OPRM1: variants seen among roughly 807,000 people sequenced by gnomAD.
OPRM1 encodes the protein opioid receptor mu 1, also known as mu-type opioid receptor.
In OPRM1, 27 loss-of-function variants were observed where a neutral mutation model predicts 31.8. That is an observed-to-expected ratio of 0.85 (90% CI 0.63 to 1.17). OPRM1 has a LOEUF of 1.17. OPRM1 is among the 50% of genes most tolerant of loss of function. The pLI is 0.00. For missense variants in OPRM1, 536 were observed against 511.1 expected (o/e 1.05, Z -0.47); for synonymous variants, 196 against 189.9 (o/e 1.03, Z -0.26).
chr6:154,167,280 A>C (rs1799516819), intron 3 of OPRM1, among the ~76,000 whole-genome samples: 1 of 152,248 alleles, frequency 6.6e-6, no homozygotes, highest in Non-Finnish European at 1.5e-5. Flanking sequence ...GAACCATTTC[A>C]GCTCAGGGAG....
In OPRM1 at chr6:154,121,061, C is replaced by G. The variant is rs1797271727; in HGVS notation, c.*2340C>G. 6.6e-6 allele frequency among the ~76,000 whole-genome samples: 1 copy of G among 152,110 alleles called. No individual in the cohort carries two copies. Among genetic ancestry groups the G allele is most frequent in the Non-Finnish European group, 1.5e-5 (1 of 68,018 alleles). Reference sequence around the variant, plus strand: ...CCAAGGCAAGGAGAGACATTACAACCCTGACTCAACTGGATGGGCTAAGGT... The same window carrying G: ...CCAAGGCAAGGAGAGACATTACAACGCTGACTCAACTGGATGGGCTAAGGT... On this transcript the variant is annotated 3_prime_UTR_variant, in exon 4 of 4. Transcript: ENST00000330432.
chr6:154,160,083 G>A (rs1444396734), intron 3 of OPRM1: 3 of 1,441,732 alleles, frequency 2.1e-6, no homozygotes, highest in African/African-American at 2.8e-5. Context: ...TGTTGAGAGT[G>A]TCTTAATTTA....
At chr6:154,102,911 C>T (rs1795047106) in intron 3 of OPRM1, among the ~76,000 whole-genome samples, 1 of 137,722 alleles carries the variant, frequency 7.3e-6, no homozygotes, top group South Asian at 2.2e-4. Context: ...ACACCACTAA[C>T]CAGTTGCAAA....
At chr6:154,146,896 G>A (rs1018426916) in intron 3 of OPRM1, among the ~76,000 whole-genome samples, 5 of 152,144 alleles carry the variant, frequency 3.3e-5, no homozygotes, top group Admixed American at 3.3e-4. Context: ...ATTGGGAAAG[G>A]AGGGTGGGGC....
chr6:154,211,351 G>GT (rs1291592277), intron 3 of OPRM1, among the ~76,000 whole-genome samples: 1 of 151,864 alleles, frequency 6.6e-6, no homozygotes, highest in East Asian at 1.9e-4. Context: ...AGAGCTTGCA[G>GT]TGAGCCAAGA....
chr6:154,207,942 C>T (rs911574707), intron 3 of OPRM1, among the ~76,000 whole-genome samples: 5 of 152,200 alleles, frequency 3.3e-5, no homozygotes, highest in African/African-American at 1.2e-4. Context: ...CAAAATCTAA[C>T]CATTCCATTT....
chr6:154,069,827 C>A (rs1254090685), intron 1 of OPRM1, among the ~76,000 whole-genome samples: 3 of 152,182 alleles, frequency 2.0e-5, no homozygotes, highest in Non-Finnish European at 4.4e-5. Context: ...TTAAGGTCTT[C>A]TCAGGCTTTT....
intron 3 of OPRM1, among the ~76,000 whole-genome samples, chr6:154,178,631 G>A (rs138064380): frequency 6.6e-6 from 1 of 151,986 alleles, no homozygotes; most frequent in African/African-American, 2.4e-5. Flanking sequence ...AACCTGTTGG[G>A]GTAACCAGAC....
intron 1 of OPRM1, 25 bp from the exon 2 acceptor site, chr6:154,089,801 T>C (rs2128483386): frequency 6.6e-7 from 1 of 1,515,506 alleles, no homozygotes; most frequent in East Asian, 2.3e-5. Context: ...TTACTGATTC[T>C]CACTCTTCTT....
intron 3 of OPRM1, among the ~76,000 whole-genome samples, chr6:154,195,076 T>G (rs1390350632): frequency 6.6e-6 from 1 of 152,002 alleles, no homozygotes; most frequent in African/African-American, 2.4e-5. Context: ...TCCCTAAACC[T>G]TCTTATGTCC....
intron 1 of OPRM1, among the ~76,000 whole-genome samples, chr6:154,072,362 C>G (rs978509190): frequency 6.6e-6 from 1 of 152,152 alleles, no homozygotes; most frequent in Non-Finnish European, 1.5e-5. Context: ...ACAGATACTA[C>G]TACTATAATC....
intron 1 of OPRM1, among the ~76,000 whole-genome samples, chr6:154,076,355 T>G (rs1308445633): frequency 1.3e-5 from 2 of 152,198 alleles, no homozygotes; most frequent in African/African-American, 4.8e-5. Flanking sequence ...GCATATATCT[T>G]AAATTTTTAT....
At chr6:154,048,843 C>T (rs1781660548) in intron 1 of OPRM1, among the ~76,000 whole-genome samples, 1 of 152,038 alleles carries the variant, frequency 6.6e-6, no homozygotes. Context: ...TATATGGTTA[C>T]TCTTATAATA....
intron 1 of OPRM1, among the ~76,000 whole-genome samples, chr6:154,041,127 G>A (rs931612434): frequency 1.2e-4 from 18 of 152,150 alleles, no homozygotes; most frequent in Non-Finnish European, 2.5e-4. Flanking sequence ...TCATTACCCA[G>A]GTGCTGCAAA....
intron 3 of OPRM1, chr6:154,199,911 G>C: frequency 6.2e-7 from 1 of 1,614,174 alleles, no homozygotes; most frequent in Non-Finnish European, 8.5e-7. Context: ...ACTGTGTCAG[G>C]CAAGGATTGT....
intron 3 of OPRM1, among the ~76,000 whole-genome samples, chr6:154,140,231 T>C (rs1798162221): frequency 1.3e-5 from 2 of 152,252 alleles, no homozygotes; most frequent in Non-Finnish European, 2.9e-5. Flanking sequence ...AGTAAGACTT[T>C]AGAACTCTTC....
At chr6:154,109,041 A>G (rs1010424934) in intron 3 of OPRM1, 3 of 985,122 alleles carry the variant, frequency 3.0e-6, no homozygotes, top group Non-Finnish European at 3.6e-6. Context: ...AGGTCACATC[A>G]AGAGAATTCT....
At chr6:154,055,421 A>C (rs558346445) in intron 1 of OPRM1, among the ~76,000 whole-genome samples, 28 of 151,956 alleles carry the variant, frequency 1.8e-4, no homozygotes, top group African/African-American at 6.5e-4. Context: ...AAAAAAAAAT[A>C]AAAGCTAGAG....
intron 3 of OPRM1, among the ~76,000 whole-genome samples, chr6:154,209,046 T>C (rs1777740828): frequency 6.6e-6 from 1 of 152,234 alleles, no homozygotes; most frequent in South Asian, 2.1e-4. Flanking sequence ...TTCTTTATTA[T>C]CTCGTGAAAT....
Sources: gnomAD v4.1 joint callset for allele counts (sites outside exome capture counted in the v4.1 genomes callset) on GRCh38, gnomAD v4.1.1 for gene constraint, MANE v1.5 for transcripts, NCBI Gene and HGNC (gene_info 2026-07-23, HGNC 2026-07-21) for gene names.